UBE2G1: variants seen among roughly 807,000 people sequenced by gnomAD.
UBE2G1 encodes ubiquitin conjugating enzyme E2 G1, also known as ubiquitin-conjugating enzyme E2 G1.
A neutral mutation model predicts 22.7 loss-of-function variants in UBE2G1; 5 were observed. The ratio of observed to expected loss-of-function variants is 0.22; its 90% CI spans 0.12 to 0.46. UBE2G1 has a LOEUF of 0.46. UBE2G1 is among the 20% of genes least tolerant of loss of function. UBE2G1 has a pLI of 0.99. For missense variants in UBE2G1, 88 were observed against 203.9 expected (o/e 0.43, Z 3.46); for synonymous variants, 74 against 67.5 (o/e 1.10, Z -0.47).
intron 5 of UBE2G1, among the ~76,000 whole-genome samples, chr17:4,280,936 A>T (rs1397468599): frequency 1.3e-5 from 2 of 152,220 alleles, no homozygotes; most frequent in Admixed American, 6.5e-5. Flanking sequence ...CCTGGCCACA[A>T]AGGGGATCTT....
chr17:4,343,536 CAT>C (rs958526596), intron 1 of UBE2G1, among the ~76,000 whole-genome samples: 5 of 152,170 alleles, frequency 3.3e-5, no homozygotes, highest in Admixed American at 3.3e-4. Flanking sequence ...GCCCTCTTTT[CAT>C]ATATATGAAG....
chr17:4,307,262 C>A, intron 1 of UBE2G1, 139 bp from the exon 2 acceptor site: 1 of 683,394 alleles, frequency 1.5e-6, no homozygotes. Flanking sequence ...CAAAATGCTA[C>A]TTGATGGCCA....
rs758993345 is a variant in UBE2G1 at position 4,307,011 on chromosome 17, T to C, written c.149+10A>G. Reference sequence around the variant, plus strand: ...CTCCATTTTGAAGATGTCAGTTCCATTATACTTACTAAAGTGTATCTGGAG... The same window carrying C: ...CTCCATTTTGAAGATGTCAGTTCCACTATACTTACTAAAGTGTATCTGGAG... On this transcript the variant is annotated intron_variant, in intron 2 of 5. Transcript: ENST00000396981. 1.9e-5 allele frequency: 30 copies of C among 1,607,872 alleles called. No individual in the cohort carries two copies. The highest frequency in any genetic ancestry group is 2.7e-5 in the African/African-American group (2 of 74,760).
intron 2 of UBE2G1, among the ~76,000 whole-genome samples, chr17:4,297,699 T>TA (rs1185909691): frequency 2.0e-5 from 3 of 152,228 alleles, no homozygotes; most frequent in Admixed American, 2.0e-4. Context: ...GTCTTCTGAT[T>TA]ATCATTCGGT....
At chr17:4,314,706 A>G (rs1969347000) in intron 1 of UBE2G1, among the ~76,000 whole-genome samples, 1 of 152,226 alleles carries the variant, frequency 6.6e-6, no homozygotes, top group East Asian at 1.9e-4. Flanking sequence ...CAGATATTAC[A>G]GTCTCCTGAA....
At chr17:4,302,157 C>G in intron 2 of UBE2G1, 1 of 517,326 alleles carries the variant, frequency 1.9e-6, no homozygotes. Flanking sequence ...TTTTATTGGA[C>G]TTGGGAAAGT....
intron 1 of UBE2G1, among the ~76,000 whole-genome samples, chr17:4,356,145 C>T (rs1233245641): frequency 6.7e-6 from 1 of 148,158 alleles, no homozygotes; most frequent in East Asian, 2.0e-4. Context: ...CACCTGAGGT[C>T]AGGAGTTCGA....
chr17:4,345,014 T>C (rs1262161645), intron 1 of UBE2G1, among the ~76,000 whole-genome samples: 2 of 152,134 alleles, frequency 1.3e-5, no homozygotes, highest in Non-Finnish European at 2.9e-5. Context: ...ACAAACAGAA[T>C]TACTGAAAAT....
chr17:4,272,579 T>G, intron 5 of UBE2G1, 63 bp from the exon 6 acceptor site: 1 of 186,682 alleles, frequency 5.4e-6, no homozygotes. Context: ...TAACTGTAAG[T>G]AGGTTTTATC....
intron 3 of UBE2G1, among the ~76,000 whole-genome samples, chr17:4,294,199 T>A (rs1285323953): frequency 1.3e-5 from 2 of 152,052 alleles, no homozygotes. Context: ...ACAGATCACA[T>A]GAGGTCAGGA....
intron 3 of UBE2G1, among the ~76,000 whole-genome samples, chr17:4,291,541 C>CT (rs769035137): frequency 4.6e-5 from 7 of 152,036 alleles, no homozygotes; most frequent in African/African-American, 7.2e-5. Flanking sequence ...TCTACCACCA[C>CT]TATATAAGAT....
intron 1 of UBE2G1, among the ~76,000 whole-genome samples, chr17:4,310,604 C>T (rs1042408467): frequency 3.9e-5 from 6 of 152,088 alleles, no homozygotes; most frequent in Admixed American, 2.6e-4. Context: ...CTTTGTAAGC[C>T]CTGCATGCTT....
intron 1 of UBE2G1, 117 bp from the exon 2 acceptor site, chr17:4,307,240 T>C (rs1177346895): frequency 3.6e-5 from 31 of 852,590 alleles, no homozygotes; most frequent in Non-Finnish European, 4.4e-5. Context: ...TAAATAGATA[T>C]ACCTTGCCAG....
At chr17:4,330,976 C>CCACACACACACACACACACACACACA (rs57051928) in intron 1 of UBE2G1, among the ~76,000 whole-genome samples, 20 of 143,666 alleles carry the variant, frequency 1.4e-4, no homozygotes, top group African/African-American at 4.8e-4. Context: ...ACCTTTAAAA[C>CCACACACACACACACACACACACACA]CACACACACA....
intron 5 of UBE2G1, among the ~76,000 whole-genome samples, chr17:4,275,492 G>A (rs1239620670): frequency 6.6e-6 from 1 of 152,072 alleles, no homozygotes; most frequent in Non-Finnish European, 1.5e-5. Context: ...TAAAAATCTG[G>A]AGATGGTTTA....
chr17:4,350,737 T>TA (rs1388749860), intron 1 of UBE2G1, among the ~76,000 whole-genome samples: 1 of 151,988 alleles, frequency 6.6e-6, no homozygotes, highest in African/African-American at 2.4e-5. Flanking sequence ...CCAGCTCATT[T>TA]AAAAATAGTA....
At chr17:4,327,695 A>G (rs2143771193) in intron 1 of UBE2G1, among the ~76,000 whole-genome samples, 1 of 152,292 alleles carries the variant, frequency 6.6e-6, no homozygotes, top group East Asian at 1.9e-4. Flanking sequence ...GGACACATCA[A>G]ATGGAAGCCA....
intron 1 of UBE2G1, among the ~76,000 whole-genome samples, chr17:4,308,925 TAAC>T (rs1969277568): frequency 6.6e-6 from 1 of 152,170 alleles, no homozygotes; most frequent in Admixed American, 6.5e-5. Flanking sequence ...AACTACGATT[TAAC>T]AACATGCCAG....
chr17:4,281,206 A>G (rs184150764), intron 5 of UBE2G1, among the ~76,000 whole-genome samples: 35 of 152,344 alleles, frequency 2.3e-4, no homozygotes, highest in African/African-American at 7.5e-4. Context: ...ACCCAGTGTA[A>G]TAGCACACAG....
Sources: allele counts gnomAD v4.1 joint callset (sites outside exome capture counted in the v4.1 genomes callset), GRCh38; gene constraint gnomAD v4.1.1; transcripts MANE v1.5; gene names NCBI Gene and HGNC (gene_info 2026-07-23, HGNC 2026-07-21).